GMDS: variants seen among roughly 807,000 people sequenced by gnomAD.
GMDS encodes GDP-mannose 4,6-dehydratase.
Under a neutral mutation model 49.9 loss-of-function variants are expected in GMDS, and 20 were observed. The observed-to-expected ratio is 0.40, with a 90% CI of 0.28 to 0.58. The LOEUF (loss-of-function observed/expected upper bound fraction) is 0.58, where lower values mean the gene tolerates loss of function less well. Among genes scored for constraint, GMDS ranks in the 20% least tolerant of loss-of-function variants. The probability of loss-of-function intolerance (pLI) is 0.42; values close to 1 mark genes in which losing one functional copy is unlikely to be tolerated. For synonymous variants in GMDS, 177 were observed against 178.6 expected (o/e 0.99, Z 0.07); for missense variants, 362 against 481.4 (o/e 0.75, Z 2.32).
chr6:1,938,124 C>T (rs546611587), intron 6 of GMDS, among the ~76,000 whole-genome samples: 11 of 152,240 alleles, frequency 7.2e-5, no homozygotes, highest in Non-Finnish European at 1.5e-4. Context: ...AGCATAATAG[C>T]CAAATAGGGT....
intron 7 of GMDS, among the ~76,000 whole-genome samples, chr6:1,895,511 A>G (rs1760116976): frequency 6.6e-6 from 1 of 152,236 alleles, no homozygotes; most frequent in African/African-American, 2.4e-5. Flanking sequence ...TGAGCTCTTC[A>G]TGTGCATAGG....
At chr6:1,763,087 A>G (rs1339915735) in intron 7 of GMDS, among the ~76,000 whole-genome samples, 1 of 152,194 alleles carries the variant, frequency 6.6e-6, no homozygotes, top group African/African-American at 2.4e-5. Flanking sequence ...TTCGGTTCCC[A>G]TTTCTACCAA....
intron 1 of GMDS, among the ~76,000 whole-genome samples, chr6:2,141,892 T>C (rs1010678420): frequency 3.1e-5 from 3 of 96,500 alleles, no homozygotes; most frequent in Non-Finnish European, 6.2e-5. Context: ...CTCTCTCTCT[T>C]CTCTTTCTTC....
intron 7 of GMDS, among the ~76,000 whole-genome samples, chr6:1,773,700 TC>T (rs1321526962): frequency 6.6e-6 from 1 of 152,254 alleles, no homozygotes; most frequent in African/African-American, 2.4e-5. Context: ...TCTAACCGTT[TC>T]ACTCCTCTTG....
intron 4 of GMDS, among the ~76,000 whole-genome samples, chr6:2,112,699 C>G (rs1774617590): frequency 6.6e-6 from 1 of 152,214 alleles, no homozygotes; most frequent in African/African-American, 2.4e-5. Context: ...CCAAGTTCTT[C>G]TGTCACATCA....
Position 1,959,902 on chromosome 6 carries a change from T to C in GMDS, c.608A>G (p.Asn203Ser), listed in dbSNP as rs1415586557. Residue 203 changes from asparagine to serine, a missense_variant, in exon 6 of 11, where the codon AAC becomes AGC. Transcript: ENST00000380815. ...ACTCTCATGATTGAAGAGAATGCCG[T>C]TCACTGCAAAGAGATTATACGCCTC... ...FREAYNLFAV[N>S]GILFNHESPR... 3 of 1,610,002 alleles carry C rather than the reference T, an allele frequency of 1.9e-6. No homozygotes were observed. The highest frequency in any genetic ancestry group is 2.5e-6 in the Non-Finnish European group (3 of 1,177,572).
intron 7 of GMDS, among the ~76,000 whole-genome samples, chr6:1,867,530 A>G (rs928195595): frequency 2.6e-5 from 4 of 152,218 alleles, no homozygotes; most frequent in Non-Finnish European, 4.4e-5. Context: ...ACAGACTACC[A>G]GAATGTTTTC....
chr6:2,194,403 G>A (rs533897054), intron 1 of GMDS, among the ~76,000 whole-genome samples: 1 of 152,126 alleles, frequency 6.6e-6, no homozygotes, highest in Non-Finnish European at 1.5e-5. Context: ...CTTAAAGGTC[G>A]ATTCCTCATG....
intron 6 of GMDS, among the ~76,000 whole-genome samples, chr6:1,956,930 T>A (rs1763670030): frequency 6.6e-6 from 1 of 151,342 alleles, no homozygotes; most frequent in Non-Finnish European, 1.5e-5. Flanking sequence ...GCCTCCCGAG[T>A]AGCTGGGATT....
chr6:2,216,592 G>C (rs995295279), intron 1 of GMDS, among the ~76,000 whole-genome samples: 2 of 152,194 alleles, frequency 1.3e-5, no homozygotes, highest in Admixed American at 1.3e-4. Context: ...TGGTGTGGCA[G>C]CACGCACCTG....
chr6:2,174,707 G>A (rs1581750374), intron 1 of GMDS, among the ~76,000 whole-genome samples: 2 of 151,954 alleles, frequency 1.3e-5, no homozygotes, highest in East Asian at 3.9e-4. Context: ...AGCTAGGACT[G>A]CAGGCACGTG....
chr6:2,085,209 C>T (rs1772941901), intron 4 of GMDS, among the ~76,000 whole-genome samples: 1 of 152,046 alleles, frequency 6.6e-6, no homozygotes, highest in African/African-American at 2.4e-5. Flanking sequence ...TTAAGGCAAA[C>T]CCAGGTCCAC....
At chr6:1,760,581 C>T (rs574451204) in intron 7 of GMDS, among the ~76,000 whole-genome samples, 1 of 152,304 alleles carries the variant, frequency 6.6e-6, no homozygotes, top group Admixed American at 6.5e-5. Context: ...GACCGCCCAC[C>T]CTTGAGCGCC....
intron 7 of GMDS, among the ~76,000 whole-genome samples, chr6:1,769,375 TG>T (rs1168634655): frequency 6.6e-6 from 1 of 152,242 alleles, no homozygotes; most frequent in East Asian, 1.9e-4. Flanking sequence ...CTTTAACCTG[TG>T]TCAAGCTACT....
chr6:1,733,385 G>T (rs1463620933), intron 8 of GMDS, among the ~76,000 whole-genome samples: 1 of 152,244 alleles, frequency 6.6e-6, no homozygotes, highest in Non-Finnish European at 1.5e-5. Context: ...GTCGGGAGCT[G>T]AATGGATGGG....
chr6:1,662,027 G>A (rs1424901681), intron 9 of GMDS, among the ~76,000 whole-genome samples: 1 of 152,106 alleles, frequency 6.6e-6, no homozygotes, highest in East Asian at 1.9e-4. Context: ...GTCACAAATG[G>A]CGACTCGCCT....
intron 1 of GMDS, among the ~76,000 whole-genome samples, chr6:2,224,540 T>C (rs1780735085): frequency 1.3e-5 from 2 of 152,350 alleles, no homozygotes; most frequent in South Asian, 4.1e-4. Flanking sequence ...AAGAGTGCAC[T>C]GAGTAGTTTT....
At chr6:1,667,320 C>A (rs995464178) in intron 9 of GMDS, among the ~76,000 whole-genome samples, 2 of 152,250 alleles carry the variant, frequency 1.3e-5, no homozygotes, top group Non-Finnish European at 2.9e-5. Flanking sequence ...CACGCTCAAG[C>A]AGCCAGATGT....
chr6:1,945,273 T>C (rs1402841804), intron 6 of GMDS, among the ~76,000 whole-genome samples: 1 of 151,952 alleles, frequency 6.6e-6, no homozygotes, highest in Non-Finnish European at 1.5e-5. Flanking sequence ...AACTGTGGGG[T>C]TCTCAGCCAC....
Sources: gnomAD v4.1 joint callset for allele counts (sites outside exome capture counted in the v4.1 genomes callset) on GRCh38, gnomAD v4.1.1 for gene constraint, MANE v1.5 for transcripts, NCBI Gene and HGNC (gene_info 2026-07-23, HGNC 2026-07-21) for gene names.